GLMN: variants seen among roughly 807,000 people sequenced by gnomAD.
GLMN encodes the protein glomulin.
GLMN carries 75 observed loss-of-function variants against 87.8 expected under a neutral mutation model. The ratio of observed to expected loss-of-function variants is 0.85; its 90% CI spans 0.71 to 1.04. The LOEUF is 1.04. Ranked by LOEUF, GLMN falls within the 50% of genes least tolerant of loss-of-function variation. The probability of loss-of-function intolerance (pLI) is 0.00; values close to 1 mark genes in which losing one functional copy is unlikely to be tolerated. For missense variants in GLMN, 588 were observed against 658.8 expected (o/e 0.89, Z 1.18); for synonymous variants, 206 against 221.6 (o/e 0.93, Z 0.63).
In GLMN at chr1:92,266,479, A is replaced by G. The variant is rs1255634217; in HGVS notation, c.1154T>C (p.Leu385Ser). The G allele has an allele frequency of 1.3e-5, 21 of 1,566,626 alleles. No homozygotes were observed. Among genetic ancestry groups the G allele is most frequent in the Non-Finnish European group, 1.8e-5 (20 of 1,138,200 alleles). The change falls in exon 13 of 19, where the codon TTA becomes TCA. Residue 385 changes from leucine to serine, a missense_variant. Coordinates refer to ENST00000370360, the MANE Select transcript of GLMN (RefSeq NM_053274.3). Reference sequence around the variant, plus strand: ...GTTAATATACAGCTGAAGCATAGCTAAACTCTTTTTCCTCTAAAATGGAAC... The same window carrying G: ...GTTAATATACAGCTGAAGCATAGCTGAACTCTTTTTCCTCTAAAATGGAAC... ...CPIETLRKKSLAMLQLYINKL... is the reference protein window; with the variant it reads ...CPIETLRKKSSAMLQLYINKL...
chr1:92,340,136 G>A, the GLMN span, among the ~76,000 whole-genome samples: 1 of 152,142 alleles, frequency 6.6e-6, no homozygotes, highest in Admixed American at 6.5e-5. Flanking sequence ...ATAAAATTCT[G>A]TTCCAAAAAC....
chr1:92,294,893 G>C lies in GLMN; in HGVS notation c.165+2511C>G, dbSNP rs1649842263. Among the ~76,000 whole-genome samples, 4 of 152,288 alleles carry C rather than the reference G, an allele frequency of 2.6e-5. 1 individual carries two copies. The highest frequency in any genetic ancestry group is 9.6e-5 in the African/African-American group (4 of 41,576). On this transcript the variant is annotated intron_variant, in intron 3 of 18. Coordinates refer to ENST00000370360, the MANE Select transcript of GLMN (RefSeq NM_053274.3). ...AGGGTTTCACCATGTTGGCCAGGCT[G>C]GTCTCGAACTCCTGACCTTAGGTGA...
the GLMN span, chr1:92,304,082 A>T: frequency 1.9e-6 from 3 of 1,575,224 alleles, no homozygotes. Flanking sequence ...AATTGTAAGT[A>T]ACTCATTTTT....
intron 7 of GLMN, among the ~76,000 whole-genome samples, chr1:92,280,610 AATGAGTTTG>A (rs1647912704): frequency 6.6e-6 from 1 of 152,190 alleles, no homozygotes; most frequent in Non-Finnish European, 1.5e-5. Context: ...CTGGACGGAG[AATGAGTTTG>A]ATGAGTTGAC....
chr1:92,342,959 T>TA, the GLMN span, among the ~76,000 whole-genome samples: 1 of 152,170 alleles, frequency 6.6e-6, no homozygotes, highest in African/African-American at 2.4e-5. Flanking sequence ...GACCCTTAGA[T>TA]ACAGAAATCT....
intron 16 of GLMN, among the ~76,000 whole-genome samples, chr1:92,260,516 G>A (rs946807194): frequency 2.0e-5 from 3 of 152,020 alleles, no homozygotes; most frequent in African/African-American, 7.2e-5. Context: ...TCGGGAGACT[G>A]AGGCAGGAGA....
chr1:92,288,415 G>A (rs532607806), intron 6 of GLMN, among the ~76,000 whole-genome samples: 1 of 152,070 alleles, frequency 6.6e-6, no homozygotes, highest in Non-Finnish European at 1.5e-5. Flanking sequence ...ATGGATTTTG[G>A]TTTTATAATT....
At chr1:92,344,602 T>C in the GLMN span, among the ~76,000 whole-genome samples, 1 of 152,178 alleles carries the variant, frequency 6.6e-6, no homozygotes, top group Non-Finnish European at 1.5e-5. Flanking sequence ...AGTGAGAGTA[T>C]TTTTAGGCTT....
intron 3 of GLMN, among the ~76,000 whole-genome samples, chr1:92,292,279 C>CAG (rs1649493482): frequency 6.6e-6 from 1 of 151,964 alleles, no homozygotes; most frequent in African/African-American, 2.4e-5. Flanking sequence ...TGGCTGGGTG[C>CAG]AGTGGCTCAT....
At chr1:92,302,920 C>T (rs1323584377), upstream of GLMN, among the ~76,000 whole-genome samples, 1 of 151,196 alleles carries the variant, frequency 6.6e-6, no homozygotes, top group Non-Finnish European at 1.5e-5. Flanking sequence ...TTTTTTTGGC[C>T]AGGCACGATG....
chr1:92,312,981 T>G, the GLMN span, among the ~76,000 whole-genome samples: 1 of 152,174 alleles, frequency 6.6e-6, no homozygotes, highest in Admixed American at 6.5e-5. Flanking sequence ...TTCTCATGCC[T>G]CAGCCTCCCA....
At chr1:92,336,381 T>C in the GLMN span, 97 of 1,610,894 alleles carry the variant, frequency 6.0e-5, no homozygotes, top group Non-Finnish European at 7.4e-5. Flanking sequence ...TCAGATTACA[T>C]TGGGAGATAT....
the GLMN span, among the ~76,000 whole-genome samples, chr1:92,354,276 T>C: frequency 2.6e-5 from 4 of 152,180 alleles, no homozygotes; most frequent in African/African-American, 9.7e-5. Context: ...GTGATAATCA[T>C]TGTGTGTGGA....
At chr1:92,320,659 C>A in the GLMN span, 11 of 1,572,392 alleles carry the variant, frequency 7.0e-6, no homozygotes, top group South Asian at 1.1e-5. Context: ...GTATCATTTA[C>A]CATTTATATA....
chr1:92,360,592 C>T, the GLMN span, among the ~76,000 whole-genome samples: 2,567 of 152,214 alleles, frequency 0.017, 40 homozygotes, highest in Non-Finnish European at 0.022. Flanking sequence ...TGGAATGTGG[C>T]CCATGAAGAG....
chr1:92,276,251 A>G (rs1256865017), intron 7 of GLMN, among the ~76,000 whole-genome samples: 2 of 151,894 alleles, frequency 1.3e-5, no homozygotes, highest in East Asian at 3.9e-4. Context: ...ACATTTACAT[A>G]TAATTCTATA....
the GLMN span, among the ~76,000 whole-genome samples, chr1:92,317,046 C>T: frequency 6.6e-6 from 1 of 152,114 alleles, no homozygotes. Flanking sequence ...AGGGATTAAG[C>T]AAAGGTGGTA....
At chr1:92,305,452 G>C in the GLMN span, among the ~76,000 whole-genome samples, 1 of 62,546 alleles carries the variant, frequency 1.6e-5, no homozygotes, top group African/African-American at 7.0e-5. Flanking sequence ...AAAAAAAAAA[G>C]ACAATATGGG....
At chr1:92,337,302 G>T in the GLMN span, among the ~76,000 whole-genome samples, 1 of 152,094 alleles carries the variant, frequency 6.6e-6, no homozygotes. Context: ...TCAGCTGTTA[G>T]ATTTCTCTTG....
Sources: gnomAD v4.1 joint callset for allele counts (sites outside exome capture counted in the v4.1 genomes callset) on GRCh38, gnomAD v4.1.1 for gene constraint, MANE v1.5 for transcripts, NCBI Gene and HGNC (gene_info 2026-07-23, HGNC 2026-07-21) for gene names.